Variants in HCN1 observed in about 807,000 individuals in gnomAD.
HCN1 encodes the protein hyperpolarization activated cyclic nucleotide gated potassium channel 1.
In HCN1, 13 loss-of-function variants were observed where a neutral mutation model predicts 78.9. That is an observed-to-expected ratio of 0.16 (90% CI 0.11 to 0.26). HCN1 has a LOEUF of 0.26. HCN1 is among the 10% of genes least tolerant of loss of function. The pLI is 1.00. For synonymous variants in HCN1, 552 were observed against 455.5 expected (o/e 1.21, Z -2.70); for missense variants, 810 against 1,154.3 (o/e 0.70, Z 4.32).
intron 2 of HCN1, among the ~76,000 whole-genome samples, chr5:45,638,169 T>G (rs1168319219): frequency 2.0e-5 from 3 of 152,040 alleles, no homozygotes; most frequent in Non-Finnish European, 2.9e-5. Flanking sequence ...ATTTCTGACT[T>G]GAGCAACAGG....
chr5:45,287,874 T>C (rs1190768097), intron 6 of HCN1, among the ~76,000 whole-genome samples: 3 of 152,086 alleles, frequency 2.0e-5, no homozygotes, highest in Non-Finnish European at 4.4e-5. Context: ...ATCTACTGCT[T>C]TATACTACAC....
chr5:45,276,789 C>T (rs954161468), intron 6 of HCN1, among the ~76,000 whole-genome samples: 1 of 151,948 alleles, frequency 6.6e-6, no homozygotes, highest in African/African-American at 2.4e-5. Flanking sequence ...TAGAGTAATT[C>T]TGTACATCAT....
chr5:45,422,403 C>T (rs978031097), intron 3 of HCN1, among the ~76,000 whole-genome samples: 4 of 152,012 alleles, frequency 2.6e-5, no homozygotes, highest in African/African-American at 4.8e-5. Context: ...CGAATCTTGC[C>T]GTGGGTGAGG....
rs72763941 is a variant in HCN1 at position 45,602,673 on chromosome 5, T to C, written c.849+42512A>G. Among the ~76,000 whole-genome samples, 1,310 of 152,264 alleles carry C rather than the reference T, an allele frequency of 8.6e-3. 8 individuals carry two copies. Among genetic ancestry groups the C allele is most frequent in the Non-Finnish European group, 0.014 (922 of 67,994 alleles). ...CAAGAAAAAGTGACAGAATGTGTCT[T>C]TATTTTTCCTGTGATTAAGATAGAA... On this transcript the variant is annotated intron_variant, in intron 2 of 7. Coordinates refer to ENST00000303230, the MANE Select transcript of HCN1 (RefSeq NM_021072.4).
chr5:45,428,528 T>G (rs1031539749), intron 3 of HCN1, among the ~76,000 whole-genome samples: 2 of 152,088 alleles, frequency 1.3e-5, no homozygotes, highest in African/African-American at 4.8e-5. Flanking sequence ...ATGAATTACA[T>G]TAGCAAATTT....
chr5:45,348,514 C>T (rs940144335), intron 5 of HCN1, among the ~76,000 whole-genome samples: 11 of 152,062 alleles, frequency 7.2e-5, no homozygotes, highest in African/African-American at 9.7e-5. Flanking sequence ...TCACACATAA[C>T]GATATTAACT....
At chr5:45,589,236 G>A (rs927739216) in intron 2 of HCN1, among the ~76,000 whole-genome samples, 1 of 152,162 alleles carries the variant, frequency 6.6e-6, no homozygotes, top group African/African-American at 2.4e-5. Context: ...AAGAGAAGGA[G>A]CAATGGGTGT....
chr5:45,352,856 G>A (rs1396680546), intron 5 of HCN1, among the ~76,000 whole-genome samples: 1 of 151,920 alleles, frequency 6.6e-6, no homozygotes, highest in Admixed American at 6.6e-5. Flanking sequence ...GCCACAAGAA[G>A]GAATTTTAAA....
At chr5:45,491,425 CAA>C (rs1321129695) in intron 2 of HCN1, among the ~76,000 whole-genome samples, 1 of 151,900 alleles carries the variant, frequency 6.6e-6, no homozygotes, top group African/African-American at 2.4e-5. Flanking sequence ...TTAAAAAAAA[CAA>C]ATTTGAAATT....
intron 2 of HCN1, chr5:45,643,553 A>C (rs1364764992): frequency 6.6e-6 from 1 of 152,172 alleles, no homozygotes; most frequent in Non-Finnish European, 1.5e-5. Flanking sequence ...TATATATCAT[A>C]GTAAGAACCT....
intron 2 of HCN1, among the ~76,000 whole-genome samples, chr5:45,488,144 G>T (rs1741806777): frequency 6.6e-6 from 1 of 151,382 alleles, no homozygotes; most frequent in African/African-American, 2.4e-5. Flanking sequence ...TTGACCACCT[G>T]GTTTATTATT....
intron 2 of HCN1, among the ~76,000 whole-genome samples, chr5:45,543,106 C>A (rs1428323322): frequency 6.6e-6 from 1 of 151,948 alleles, no homozygotes; most frequent in African/African-American, 2.4e-5. Context: ...ATTTTATGTT[C>A]TTTTTATACC....
At chr5:45,421,621 A>C (rs1407837737) in intron 3 of HCN1, among the ~76,000 whole-genome samples, 1 of 152,240 alleles carries the variant, frequency 6.6e-6, no homozygotes, top group Non-Finnish European at 1.5e-5. Context: ...GGTTTGATTT[A>C]ATATATATTT....
intron 2 of HCN1, among the ~76,000 whole-genome samples, chr5:45,538,106 A>G (rs1743008764): frequency 6.6e-6 from 1 of 152,148 alleles, no homozygotes; most frequent in African/African-American, 2.4e-5. Context: ...TAATGCCACT[A>G]ACTGATTTCT....
chr5:45,346,658 C>G (rs10472402), intron 5 of HCN1, among the ~76,000 whole-genome samples: 26,655 of 152,162 alleles, frequency 0.18, 2,586 homozygotes, highest in East Asian at 0.33. Context: ...GTCACTCCCA[C>G]CCTAATACTG....
At chr5:45,512,085 G>T (rs1742427914) in intron 2 of HCN1, among the ~76,000 whole-genome samples, 1 of 152,064 alleles carries the variant, frequency 6.6e-6, no homozygotes, top group Non-Finnish European at 1.5e-5. Context: ...GTAAGGCTCT[G>T]TGTGAGCAAC....
At chr5:45,618,907 C>T (rs1046644435) in intron 2 of HCN1, among the ~76,000 whole-genome samples, 1 of 151,810 alleles carries the variant, frequency 6.6e-6, no homozygotes, top group African/African-American at 2.4e-5. Context: ...TTTGAAGCAC[C>T]ATGCAGACTT....
chr5:45,671,488 T>G (rs1157266757), intron 1 of HCN1, among the ~76,000 whole-genome samples: 1 of 151,456 alleles, frequency 6.6e-6, no homozygotes, highest in Non-Finnish European at 1.5e-5. Flanking sequence ...AAGAGTAAGA[T>G]TCATGCCTTA....
chr5:45,415,025 C>G (rs997574442), intron 3 of HCN1, among the ~76,000 whole-genome samples: 1 of 151,970 alleles, frequency 6.6e-6, no homozygotes, highest in Non-Finnish European at 1.5e-5. Context: ...TAGATATCAT[C>G]CTGTCATATC....
Sources: gnomAD v4.1 joint callset for allele counts (sites outside exome capture counted in the v4.1 genomes callset) on GRCh38, gnomAD v4.1.1 for gene constraint, MANE v1.5 for transcripts, NCBI Gene and HGNC (gene_info 2026-07-23, HGNC 2026-07-21) for gene names.